The following PLXNB2 variants were observed in gnomAD, a reference collection of about 807,000 sequenced individuals.
The protein encoded by PLXNB2 is plexin B2, also known as plexin-B2.
In PLXNB2, 85 loss-of-function variants were observed where a neutral mutation model predicts 202.6. The ratio of observed to expected loss-of-function variants is 0.42; its 90% CI spans 0.35 to 0.50. The LOEUF is 0.50. Ranked by LOEUF, PLXNB2 falls within the 20% of genes least tolerant of loss-of-function variation. PLXNB2 has a pLI of 0.02. For missense variants in PLXNB2, 2,063 were observed against 2,586.2 expected (o/e 0.80, Z 4.39); for synonymous variants, 1,239 against 1,137.6 (o/e 1.09, Z -1.79).
rs991435519 is a variant in PLXNB2 at position 50,282,371 on chromosome 22, G to T, written c.2988-58C>A. 8.5e-6 allele frequency: 13 copies of T among 1,528,054 alleles called. No individual in the cohort carries two copies. In the South Asian group the frequency reaches 1.3e-4, roughly 16 times the overall value. The allele number at this position is 1,528,054 out of a possible 1,614,324, so 94.7% of individuals were successfully genotyped here. A position where few individuals can be genotyped will look rare whatever the true frequency, so the allele number is the denominator to read the frequency against. ...GGCAGGGGTGGTCCCTGCAGCCTCCGCCCTCCCGTCCCCGCCCACCCTGGC... is the reference window on the plus strand; with the variant it reads ...GGCAGGGGTGGTCCCTGCAGCCTCCTCCCTCCCGTCCCCGCCCACCCTGGC... On this transcript the variant is annotated intron_variant, in intron 18 of 36. Coordinates refer to ENST00000359337, the MANE Select transcript of PLXNB2 (RefSeq NM_012401.4).
rs921503447 is a variant in PLXNB2 at position 50,291,471 on chromosome 22, T to C, written c.-13-874A>G. 6.6e-6 allele frequency among the ~76,000 whole-genome samples: 1 copy of C among 151,930 alleles called. No individual in the cohort carries two copies. The highest frequency in any genetic ancestry group is 1.5e-5 in the Non-Finnish European group (1 of 67,972). Reference sequence around the variant, plus strand: ...CCTGGGTCCGGGTGGATGAGGGGGATGTGTGGTGTGATGGGTGAGCTGCTG... The same window carrying C: ...CCTGGGTCCGGGTGGATGAGGGGGACGTGTGGTGTGATGGGTGAGCTGCTG... On this transcript the variant is annotated intron_variant, in intron 2 of 36. Transcript: ENST00000359337. The surrounding 1 kb of genome is among the most constrained non-coding windows in gnomAD (Gnocchi z 4.3).
rs372033464 is a variant in PLXNB2 at position 50,278,493 on chromosome 22, C to G, written c.4674G>C (p.Leu1558=). 6.4e-7 allele frequency: 1 copy of G among 1,563,726 alleles called. No homozygotes were observed. Among genetic ancestry groups the G allele is most frequent in the Non-Finnish European group, 8.7e-7 (1 of 1,154,478 alleles). The change falls in exon 30 of 37, where the codon CTG becomes CTC. Residue 1558 remains leucine, a synonymous_variant. Coordinates refer to ENST00000359337, the MANE Select transcript of PLXNB2 (RefSeq NM_012401.4). ...GCTGCTGGGAGACCCCCACCTTGGA[C>G]AGGATGAGGGTGGCTCCATCCCGGA... is the stretch of plus-strand genomic sequence containing the variant. ...YNVRDGATLI[L]SKVGVSQQPE...
Position 50,289,549 on chromosome 22 carries a change from G to A in PLXNB2, c.1036C>T (p.His346Tyr), listed in dbSNP as rs1389583451. ...EARDIFYKPFHGDIQCGGHAP... is the reference protein window; with the variant it reads ...EARDIFYKPFYGDIQCGGHAP... ...TGGCCGCCGCACTGGATATCGCCGT[G>A]GAAGGGCTTGTAGAAGATGTCACGG... Residue 346 changes from histidine to tyrosine, a missense_variant, in exon 3 of 37, where the codon CAC becomes TAC. His to Tyr is a moderately conservative substitution (Grantham distance 83). Coordinates refer to ENST00000359337, the MANE Select transcript of PLXNB2 (RefSeq NM_012401.4). This position sits in a 1 kb window ranked among gnomAD's most constrained non-coding sequence, Gnocchi z 8.0. 1.2e-6 allele frequency: 2 copies of A among 1,611,896 alleles called. No homozygotes were observed. Among genetic ancestry groups the A allele is most frequent in the Non-Finnish European group, 1.7e-6 (2 of 1,179,790 alleles).
At chr22:50,277,429 G>A (rs997107320) in intron 33 of PLXNB2, among the ~76,000 whole-genome samples, 162 bp downstream of exon 33, 5 of 152,126 alleles carry the variant, frequency 3.3e-5, no homozygotes, top group South Asian at 2.1e-4. Flanking sequence ...AGGCTCTGCC[G>A]GGCCCCTGTG....
rs2066762280 is a variant in PLXNB2 at position 50,290,114 on chromosome 22, C to T, written c.471G>A (p.Val157=). Residue 157 remains valine (V), a synonymous_variant, in exon 3 of 37, where the codon GTG becomes GTA. Transcript: ENST00000359337. ...GGTCACCACCAGGACCCGTGGAGCT[C>T]ACCAGCCCCACTGTGGCCACGCCCT... is the stretch of plus-strand genomic sequence containing the variant. ...NDEGVATVGL[V]SSTGPGGDRV... 1 of 1,613,132 alleles carries T rather than the reference C, an allele frequency of 6.2e-7. No individual in the cohort carries two copies. Among genetic ancestry groups the T allele is most frequent in the Non-Finnish European group, 8.5e-7 (1 of 1,180,006 alleles).
At chr22:50,282,961 C>T in intron 17 of PLXNB2, 80 bp from the exon 18 acceptor site, 1 of 1,553,314 alleles carries the variant, frequency 6.4e-7, no homozygotes, top group East Asian at 2.3e-5. Context: ...CCCCGCCATC[C>T]CCTCAGGGCC....
At chr22:50,300,347 G>A in intron 1 of PLXNB2, 1 of 984,962 alleles carries the variant, frequency 1.0e-6, no homozygotes, top group Non-Finnish European at 1.2e-6. Context: ...AGGGGCGCGG[G>A]GAGCAGCTCC....
intron 1 of PLXNB2, among the ~76,000 whole-genome samples, chr22:50,302,095 G>A (rs1219220422): frequency 6.6e-6 from 1 of 152,246 alleles, no homozygotes; most frequent in Non-Finnish European, 1.5e-5. Flanking sequence ...CGAGGGAGGG[G>A]CCATGTGTGG....
chr22:50,306,744 ACT>A (rs2067898924), intron 1 of PLXNB2, among the ~76,000 whole-genome samples: 1 of 148,872 alleles, frequency 6.7e-6, no homozygotes, highest in East Asian at 2.0e-4. Context: ...CCCTGTCCTG[ACT>A]CTGCCACAGC....
In PLXNB2 at chr22:50,279,793, G is replaced by A. The variant is rs1267058223; in HGVS notation, c.4243-17C>T. The A allele has an allele frequency of 5.6e-6, 9 of 1,613,306 alleles. No individual in the cohort carries two copies. In the African/African-American group the frequency reaches 6.7e-5, roughly 12 times the overall value. Reference sequence around the variant, plus strand: ...GGCACTGTCCTGGAGTAACACGGAGGGGAGGCTGGGAGGTCAGGGGACTTG... The same window carrying A: ...GGCACTGTCCTGGAGTAACACGGAGAGGAGGCTGGGAGGTCAGGGGACTTG... On this transcript the variant is annotated splice_polypyrimidine_tract_variant and intron_variant, in intron 26 of 36. Coordinates refer to ENST00000359337, the MANE Select transcript of PLXNB2 (RefSeq NM_012401.4).
intron 21 of PLXNB2, 26 bp downstream of exon 21, chr22:50,281,540 C>A: frequency 1.2e-6 from 2 of 1,606,266 alleles, no homozygotes; most frequent in Non-Finnish European, 8.5e-7. Context: ...CGTGGGGGCA[C>A]CCCCCGCCAG....
chr22:50,285,014 T>C, intron 11 of PLXNB2: 1 of 438,786 alleles, frequency 2.3e-6, no homozygotes, highest in Non-Finnish European at 4.6e-6. Context: ...CCTCCTCCAC[T>C]GCCTCTCTTC....
chr22:50,287,778 G>T lies in PLXNB2; in HGVS notation c.1497C>A (p.Ala499=), dbSNP rs368901865. The T allele has an allele frequency of 1.9e-6, 3 of 1,586,344 alleles. No individual in the cohort carries two copies. Among genetic ancestry groups the T allele is most frequent in the African/African-American group, 2.7e-5 (2 of 74,796 alleles). ...TGGCCTCCTCGGCCCGCGGACACTC[G>T]GCCTTCCGGGTGCATCTGCAGGCGC... ...CVVEGRCTRK[A]ECPRAEEASH... Residue 499 remains alanine, a synonymous_variant, in exon 7 of 37, where the codon GCC becomes GCA. Coordinates refer to ENST00000359337, the MANE Select transcript of PLXNB2 (RefSeq NM_012401.4).
intron 1 of PLXNB2, chr22:50,301,351 G>A: frequency 1.0e-6 from 1 of 979,362 alleles, no homozygotes; most frequent in Non-Finnish European, 1.2e-6. Context: ...ACCTACCGAT[G>A]TCTCCGTGCT....
At chr22:50,306,390 G>A (rs1021882607) in intron 1 of PLXNB2, among the ~76,000 whole-genome samples, 1 of 152,204 alleles carries the variant, frequency 6.6e-6, no homozygotes, top group African/African-American at 2.4e-5. Context: ...CTGCCCTCCG[G>A]GAGACCCTCA....
chr22:50,289,766 G>A lies in PLXNB2; in HGVS notation c.819C>T (p.Ala273=), dbSNP rs370999573. ...CGGCCAGGCAGGTGCCAAAGGCAGC[G>A]GCGTGGATGTCGGGGTCCCGGCACT... ...DLQCRDPDIH[A]AAFGTCLAAS... The change falls in exon 3 of 37, where the codon GCC becomes GCT. Residue 273 remains alanine (A), a synonymous_variant. Coordinates refer to ENST00000359337, the MANE Select transcript of PLXNB2 (RefSeq NM_012401.4). The surrounding 1 kb of genome is among the most constrained non-coding windows in gnomAD (Gnocchi z 8.0). The A allele has an allele frequency of 5.8e-5, 93 of 1,612,942 alleles. No homozygotes were observed. Among genetic ancestry groups the A allele is most frequent in the African/African-American group, 3.2e-4 (24 of 75,084 alleles).
At chr22:50,299,720 G>T (rs1202458749) in intron 1 of PLXNB2, among the ~76,000 whole-genome samples, 1 of 152,104 alleles carries the variant, frequency 6.6e-6, no homozygotes, top group Non-Finnish European at 1.5e-5. Flanking sequence ...ACCCGGCGAG[G>T]GCGAGACCGG....
rs1181547336 is a variant in PLXNB2, at chr22:50,289,001, T to C, written c.1210A>G (p.Thr404Ala). The change falls in exon 4 of 37, where the codon ACT (threonine) becomes GCT (alanine). Residue 404 changes from threonine (T) to alanine (A), a missense_variant. Physicochemically the swap from Thr to Ala is moderately conservative, Grantham distance 58. This residue lies in a region of PLXNB2 where 1,303 missense variants were observed against 1,476.8 expected (regional missense o/e 0.88). Transcript: ENST00000359337. This position sits in a 1 kb window ranked among gnomAD's most constrained non-coding sequence, Gnocchi z 8.0. ...TCAGAGGTGCCCAGAAAAGCAACAGTGTGGTTGTTCTCGGCGGCGACCGTC... is the reference window on the plus strand; with the variant it reads ...TCAGAGGTGCCCAGAAAAGCAACAGCGTGGTTGTTCTCGGCGGCGACCGTC... The part of the protein sequence containing the change: ...AVTVAAENNH[T>A]VAFLGTSDGR... The C allele has an allele frequency of 3.7e-6, 6 of 1,610,114 alleles. No homozygotes were observed. The highest frequency in any genetic ancestry group is 5.1e-6 in the Non-Finnish European group (6 of 1,177,992).
intron 1 of PLXNB2, among the ~76,000 whole-genome samples, chr22:50,295,317 A>G (rs1190074536): frequency 6.6e-6 from 1 of 151,748 alleles, no homozygotes; most frequent in African/African-American, 2.4e-5. Context: ...AAAAAAAAAA[A>G]AAAAAAAAAA....
Sources: gnomAD v4.1 joint callset for allele counts (sites outside exome capture counted in the v4.1 genomes callset) on GRCh38, gnomAD v4.1.1 for gene constraint, gnomAD v4.1.1 regional missense constraint, Gnocchi (gnomAD v3.1) non-coding constraint, MANE v1.5 for transcripts, NCBI Gene and HGNC (gene_info 2026-07-23, HGNC 2026-07-21) for gene names.